The following IMPG2 variants were observed in gnomAD, a reference collection of about 807,000 sequenced individuals.
IMPG2 encodes the protein IPM 200.
In IMPG2, 91 loss-of-function variants were observed where a neutral mutation model predicts 129.2. The ratio of observed to expected loss-of-function variants is 0.70; its 90% CI spans 0.59 to 0.84. The LOEUF is 0.84. IMPG2 is among the 40% of genes least tolerant of loss of function. The pLI is 0.00. For missense variants in IMPG2, 1,430 were observed against 1,461.7 expected, an observed-to-expected ratio of 0.98 and a Z score of 0.35; for synonymous variants, 510 against 517.7, an observed-to-expected ratio of 0.99 and a Z score of 0.20.
chr3:101,313,473 G>C (rs753012900), intron 2 of IMPG2, among the ~76,000 whole-genome samples: 8 of 152,108 alleles, frequency 5.3e-5, no homozygotes, highest in African/African-American at 1.9e-4. Flanking sequence ...CTTCTGAAGA[G>C]AGCTTTCTAT....
Position 101,223,191 on chromosome 3 carries a change from T to A in IMPG2, c.*3778A>T, listed in dbSNP as rs1351351682. 6.6e-6 allele frequency: 1 copy of A among 152,228 alleles called. No individual in the cohort carries two copies. Among genetic ancestry groups the A allele is most frequent in the East Asian group, 1.9e-4 (1 of 5,202 alleles). 9.4% of individuals were successfully genotyped at this position (152,228 alleles called of 1,614,324 possible). On this transcript the variant is annotated 3_prime_UTR_variant, in exon 19 of 19. Coordinates refer to ENST00000193391, the MANE Select transcript of IMPG2 (RefSeq NM_016247.4). Reference sequence around the variant, plus strand: ...TACAATGCAATGGATTTGAGAATAGTGACCGTCACATCATTTTTCTGCATT... The same window carrying A: ...TACAATGCAATGGATTTGAGAATAGAGACCGTCACATCATTTTTCTGCATT...
intron 10 of IMPG2, among the ~76,000 whole-genome samples, chr3:101,256,316 T>TCACACACACA: frequency 6.6e-6 from 1 of 151,608 alleles, no homozygotes; most frequent in South Asian, 2.1e-4. Flanking sequence ...TCTGTCTCTC[T>TCACACACACA]CACACACACA....
Position 101,305,121 on chromosome 3 carries a change from T to C in IMPG2, c.335-809A>G, listed in dbSNP as rs1019230458. Among the ~76,000 whole-genome samples the C allele has an allele frequency of 1.2e-4, 19 of 152,226 alleles. No homozygotes were observed. In the East Asian group the frequency reaches 3.7e-3, roughly 29 times the overall value. ...AGATGTCCTTCAATAGGTGAAAGGA[T>C]GAACAAACTGTGATATATCTAAAAT... On this transcript the variant is annotated intron_variant, in intron 2 of 18. Transcript: ENST00000193391.
At position 101,243,712 on chromosome 3, in the gene IMPG2, G is replaced by A. The variant is rs760978845; in HGVS notation, c.2619C>T (p.His873=). The A allele has an allele frequency of 6.2e-7, 1 of 1,614,014 alleles. No homozygotes were observed. Among genetic ancestry groups the A allele is most frequent in the South Asian group, 1.1e-5 (1 of 91,056 alleles). The change falls in exon 13 of 19, where the codon CAC becomes CAT. Residue 873 remains histidine (H), a synonymous_variant. Coordinates refer to ENST00000193391, the MANE Select transcript of IMPG2 (RefSeq NM_016247.4). ...AAGCCACACTAACCATCTCTGTGGA[G>A]TGAACACTTGTTGACATTTCCACAT... The part of the protein sequence containing the change: ...GSYVEMSTSV[H]STEMVSVAWP...
intron 4 of IMPG2, among the ~76,000 whole-genome samples, chr3:101,277,278 C>T (rs1167706930): frequency 2.6e-5 from 4 of 152,120 alleles, no homozygotes; most frequent in Admixed American, 2.6e-4. Context: ...GATTGGAGAC[C>T]TTGACTAATA....
intron 4 of IMPG2, among the ~76,000 whole-genome samples, chr3:101,287,691 A>G (rs1383048758): frequency 6.6e-6 from 1 of 152,188 alleles, no homozygotes; most frequent in Non-Finnish European, 1.5e-5. Context: ...AGCCATATGT[A>G]GAATAAAAAA....
chr3:101,289,096 T>C (rs75460784), intron 4 of IMPG2, among the ~76,000 whole-genome samples: 217 of 152,318 alleles, frequency 1.4e-3, no homozygotes, highest in Non-Finnish European at 2.7e-3. Context: ...ATACTTTTTT[T>C]ATTCATTCAT....
intron 9 of IMPG2, among the ~76,000 whole-genome samples, chr3:101,265,446 G>A (rs1706712190): frequency 6.6e-6 from 1 of 151,890 alleles, no homozygotes; most frequent in East Asian, 1.9e-4. Context: ...TATACTGCAG[G>A]AAGGACACTC....
In IMPG2 at chr3:101,304,189, G is replaced by T. The variant is rs770199450; in HGVS notation, c.458C>A (p.Thr153Lys). ...DGVTSIFEMG[T>K]NFSESVEHRS... ...ATGTTCCACAGATTCACTAAAATTT[G>T]TGCCCATTTCAAATATACTTGTGAC... is the stretch of plus-strand genomic sequence containing the variant. The change falls in exon 3 of 19, where the codon ACA (threonine) becomes AAA (lysine). Residue 153 changes from threonine to lysine, a missense_variant. Thr to Lys is a moderately conservative substitution (Grantham distance 78). Transcript: ENST00000193391. 3.1e-6 allele frequency: 5 copies of T among 1,613,804 alleles called. No homozygotes were observed. Among genetic ancestry groups the T allele is most frequent in the South Asian group, 2.2e-5 (2 of 91,060 alleles).
chr3:101,242,685 T>C lies in IMPG2; in HGVS notation c.3022+3A>G, dbSNP rs1479171195. On this transcript the variant is annotated splice_donor_region_variant and intron_variant, in intron 14 of 18. Transcript: ENST00000193391. Reference sequence around the variant, plus strand: ...GAAACCACCATGCTAGGCAATATCATACCTGATTCCACATCAAGAGAGTAT... The same window carrying C: ...GAAACCACCATGCTAGGCAATATCACACCTGATTCCACATCAAGAGAGTAT... The C allele has an allele frequency of 1.9e-6, 3 of 1,600,330 alleles. No individual in the cohort carries two copies. Among genetic ancestry groups the C allele is most frequent in the Admixed American group, 3.3e-5 (2 of 60,008 alleles).
intron 7 of IMPG2, among the ~76,000 whole-genome samples, chr3:101,270,010 A>C (rs1022772601): frequency 6.9e-6 from 1 of 144,250 alleles, no homozygotes; most frequent in African/African-American, 2.6e-5. Flanking sequence ...GGCTCACTGC[A>C]AACTCCACCT....
At chr3:101,256,649 C>T (rs1470615001) in intron 10 of IMPG2, among the ~76,000 whole-genome samples, 1 of 152,074 alleles carries the variant, frequency 6.6e-6, no homozygotes, top group African/African-American at 2.4e-5. Flanking sequence ...GCTCTTTCCT[C>T]TTTAAAATGT....
At chr3:101,233,134 C>A in intron 14 of IMPG2, 143 bp from the exon 15 acceptor site, 1 of 752,854 alleles carries the variant, frequency 1.3e-6, no homozygotes, top group South Asian at 1.5e-5. Flanking sequence ...GCCACCAATA[C>A]CACACACAAA....
intron 3 of IMPG2, among the ~76,000 whole-genome samples, chr3:101,302,251 G>A (rs1435506456): frequency 6.6e-6 from 1 of 152,142 alleles, no homozygotes; most frequent in Non-Finnish European, 1.5e-5. Flanking sequence ...ACTTGTAAGA[G>A]ATACATTCCA....
chr3:101,273,881 G>C (rs1036980342), intron 6 of IMPG2, 139 bp from the exon 7 acceptor site: 1 of 858,206 alleles, frequency 1.2e-6, no homozygotes, highest in Non-Finnish European at 1.8e-6. Flanking sequence ...TTTGACTTTG[G>C]AACAAATTGG....
Position 101,304,563 on chromosome 3 carries a change from G to A in IMPG2, c.335-251C>T, listed in dbSNP as rs931171280. On this transcript the variant is annotated intron_variant, in intron 2 of 18. Transcript: ENST00000193391. ...GATTCATCTCTTCATGAGCTGGAGT[G>A]TCTCTCCCATCTCTTAAAAAAGTCC... Among the ~76,000 whole-genome samples, 16 of 152,270 alleles carry A rather than the reference G, an allele frequency of 1.1e-4. No homozygotes were observed. The East Asian group carries it at 2.5e-3, about 24-fold the overall frequency.
chr3:101,281,469 T>C (rs1388659453), intron 4 of IMPG2, among the ~76,000 whole-genome samples: 2 of 152,088 alleles, frequency 1.3e-5, no homozygotes, highest in East Asian at 1.9e-4. Context: ...TTTTTAAGAG[T>C]TGGCAACTGA....
chr3:101,232,667 A>G, intron 15 of IMPG2, 114 bp downstream of exon 15: 3 of 853,608 alleles, frequency 3.5e-6, no homozygotes, highest in Non-Finnish European at 5.7e-6. Context: ...TTGCCTAGAT[A>G]TAACTTCTAT....
intron 3 of IMPG2, among the ~76,000 whole-genome samples, chr3:101,297,346 G>C (rs1201437236): frequency 1.3e-5 from 2 of 152,026 alleles, no homozygotes; most frequent in East Asian, 1.9e-4. Context: ...CAGAAAACCA[G>C]CTCCTGGATT....
Sources: gnomAD v4.1 joint callset for allele counts (sites outside exome capture counted in the v4.1 genomes callset) on GRCh38, gnomAD v4.1.1 for gene constraint, MANE v1.5 for transcripts, NCBI Gene and HGNC (gene_info 2026-07-23, HGNC 2026-07-21) for gene names.